Variants in TPX2 observed in about 807,000 individuals in gnomAD.
TPX2 encodes targeting protein for Xklp2.
Under a neutral mutation model 93.6 loss-of-function variants are expected in TPX2, and 21 were observed. The ratio of observed to expected loss-of-function variants is 0.22; its 90% CI spans 0.16 to 0.32. TPX2 has a LOEUF of 0.32. TPX2 is among the 10% of genes least tolerant of loss of function. The pLI is 1.00. For missense variants in TPX2, 776 were observed against 871.1 expected, an observed-to-expected ratio of 0.89 and a Z score of 1.37; for synonymous variants, 281 against 298.3, an observed-to-expected ratio of 0.94 and a Z score of 0.60.
intron 15 of TPX2, 89 bp downstream of exon 15, chr20:31,794,637 A>G: frequency 6.7e-7 from 1 of 1,492,548 alleles, no homozygotes; most frequent in Non-Finnish European, 9.1e-7. Flanking sequence ...ACCTGGGTTA[A>G]CATGCTACAT....
At position 31,797,437 on chromosome 20, in the gene TPX2, G is replaced by C; in HGVS notation, c.1867G>C (p.Ala623Pro). Residue 623 changes from alanine to proline, a missense_variant, in exon 16 of 18, where the codon GCT (alanine) becomes CCT (proline). Coordinates refer to ENST00000300403, the MANE Select transcript of TPX2 (RefSeq NM_012112.5). ...AGAACTGAGACAGCAGAAAGAAGCA[G>C]CTTGTTTCAAGGCTCGTCCAAACAC... Reference protein sequence around the residue: ...EEELRQQKEAACFKARPNTVI... With the variant: ...EEELRQQKEAPCFKARPNTVI... 1.9e-6 allele frequency: 3 copies of C among 1,614,106 alleles called. No individual in the cohort carries two copies. The highest frequency in any genetic ancestry group is 2.5e-6 in the Non-Finnish European group (3 of 1,179,962).
At chr20:31,759,927 A>G in intron 3 of TPX2, 130 bp from the exon 4 acceptor site, 1 of 1,234,908 alleles carries the variant, frequency 8.1e-7, no homozygotes. Context: ...GATTGCTAGA[A>G]CTTTGCTTGT....
intron 16 of TPX2, among the ~76,000 whole-genome samples, 177 bp from the exon 17 acceptor site, chr20:31,798,188 C>T (rs1299147095): frequency 6.6e-6 from 1 of 152,140 alleles, no homozygotes; most frequent in Non-Finnish European, 1.5e-5. Context: ...GCCCTTTGAA[C>T]TCTTAAAATT....
At chr20:31,769,982 G>A (rs1433478627) in intron 5 of TPX2, among the ~76,000 whole-genome samples, 1 of 151,984 alleles carries the variant, frequency 6.6e-6, no homozygotes, top group Non-Finnish European at 1.5e-5. Context: ...AAAATTTTTT[G>A]TAGAGACAGG....
At chr20:31,763,721 AT>A (rs370520481) in intron 4 of TPX2, among the ~76,000 whole-genome samples, 3,680 of 113,922 alleles carry the variant, frequency 0.032, 29 homozygotes, top group Non-Finnish European at 0.043. Context: ...TTTAAATTTA[AT>A]TTTTTTTTTT....
In TPX2 at chr20:31,760,078, A is replaced by C. The variant is rs770130439; in HGVS notation, c.128A>C (p.Asn43Thr). 28 of 1,613,756 alleles carry C rather than the reference A, an allele frequency of 1.7e-5. No individual in the cohort carries two copies. In the Admixed American group the frequency reaches 3.7e-4, roughly 21 times the overall value. The change falls in exon 4 of 18, where the codon AAT (asparagine) becomes ACT (threonine). Residue 43 changes from asparagine (N) to threonine (T), a missense_variant. By Grantham distance (65) the Asn-to-Thr change is moderately conservative (BLOSUM62 0). This residue lies in a region of TPX2 where 36 missense variants were observed against 58.3 expected (regional missense o/e 0.62). Transcript: ENST00000300403. ...SWFEEKANLE[N>T]KLLGKNGTGG... is the part of the protein sequence containing the mutation. Reference sequence around the variant, plus strand: ...ACAGAGGAGAAGGCCAATTTGGAGAATAAGTTACTGGGGAAGAATGGAACT... The same window carrying C: ...ACAGAGGAGAAGGCCAATTTGGAGACTAAGTTACTGGGGAAGAATGGAACT...
At chr20:31,756,386 A>G (rs548309972) in intron 2 of TPX2, among the ~76,000 whole-genome samples, 3 of 152,266 alleles carry the variant, frequency 2.0e-5, no homozygotes, top group South Asian at 4.1e-4. Context: ...TGGACTTTGA[A>G]TGATGGATAA....
chr20:31,770,982 G>C (rs1472717638), intron 6 of TPX2, among the ~76,000 whole-genome samples: 1 of 150,972 alleles, frequency 6.6e-6, no homozygotes, highest in Non-Finnish European at 1.5e-5. Flanking sequence ...TGTCTCACTG[G>C]CACAAGATGG....
In TPX2 at chr20:31,782,834, C is replaced by T. The variant is rs138618860; in HGVS notation, c.1196+444C>T. Among the ~76,000 whole-genome samples, 7 of 151,960 alleles carry T rather than the reference C, an allele frequency of 4.6e-5. No homozygotes were observed. In the East Asian group the frequency reaches 5.8e-4, roughly 13 times the overall value. On this transcript the variant is annotated intron_variant, in intron 11 of 17. Transcript: ENST00000300403. ...TCAATGCTTCAGTGAGCCAAGATCACGCCAATATACTCCAGCTTGGGTGAC... is the reference window on the plus strand; with the variant it reads ...TCAATGCTTCAGTGAGCCAAGATCATGCCAATATACTCCAGCTTGGGTGAC...
At chr20:31,764,417 C>T (rs79621492) in intron 4 of TPX2, among the ~76,000 whole-genome samples, 2,682 of 152,214 alleles carry the variant, frequency 0.018, 81 homozygotes, top group African/African-American at 0.06. Context: ...GCTCCACCCA[C>T]CTCAGCCTTC....
At chr20:31,789,616 A>T (rs983101012) in intron 12 of TPX2, among the ~76,000 whole-genome samples, 1 of 143,836 alleles carries the variant, frequency 7.0e-6, no homozygotes, top group African/African-American at 2.9e-5. Context: ...CAAAAACAAA[A>T]AAAAACAAAA....
intron 17 of TPX2, among the ~76,000 whole-genome samples, chr20:31,800,347 C>T (rs897650845): frequency 6.6e-6 from 1 of 152,132 alleles, no homozygotes; most frequent in African/African-American, 2.4e-5. Context: ...GTGTTTGTCC[C>T]CATTATAGAA....
At chr20:31,787,586 T>G (rs1035518945) in intron 12 of TPX2, among the ~76,000 whole-genome samples, 6 of 152,264 alleles carry the variant, frequency 3.9e-5, no homozygotes, top group Non-Finnish European at 7.3e-5. Context: ...AAAGATGATT[T>G]TGAGGGCTTC....
At chr20:31,797,259 T>A in intron 15 of TPX2, 145 bp from the exon 16 acceptor site, 1 of 673,974 alleles carries the variant, frequency 1.5e-6, no homozygotes. Flanking sequence ...CATTGTAAAG[T>A]TTGTGTGAAA....
intron 15 of TPX2, among the ~76,000 whole-genome samples, chr20:31,796,704 ATTT>A (rs781035098): frequency 5.0e-5 from 7 of 140,884 alleles, no homozygotes; most frequent in African/African-American, 1.0e-4. Context: ...TTCTGGTTAG[ATTT>A]TTTTTTTTTT....
In TPX2 at chr20:31,783,914, A is replaced by T. The variant is rs768222591; in HGVS notation, c.1406A>T (p.Asp469Val). Residue 469 changes from aspartate to valine, a missense_variant, in exon 12 of 18, where the codon GAT (aspartate) becomes GTT (valine). By Grantham distance (152) the Asp-to-Val change is radical. Around this residue, in one of 3 missense-constraint regions of TPX2, gnomAD observed 461 missense variants for 551.2 expected, o/e 0.84. Coordinates refer to ENST00000300403, the MANE Select transcript of TPX2 (RefSeq NM_012112.5). ...CCTTGCCCTACTAAGATTTTGGAAG[A>T]TGTTGTGGTAAGGTTGAGGCTATGT... ...SRPCPTKILE[D>V]VVGVPEKKVL... The T allele has an allele frequency of 1.3e-5, 21 of 1,613,280 alleles. No individual in the cohort carries two copies. Among genetic ancestry groups the T allele is most frequent in the Non-Finnish European group, 1.8e-5 (21 of 1,179,900 alleles).
intron 6 of TPX2, among the ~76,000 whole-genome samples, chr20:31,770,898 CTTTTT>C (rs35680390): frequency 8.3e-6 from 1 of 120,288 alleles, no homozygotes; most frequent in African/African-American, 3.0e-5. Flanking sequence ...TGATTTTTAG[CTTTTT>C]TTTTTTTTTT....
chr20:31,798,332 G>A (rs371255236), intron 16 of TPX2, 33 bp from the exon 17 acceptor site: 128 of 1,613,422 alleles, frequency 7.9e-5, no homozygotes, highest in Non-Finnish European at 1.1e-4. Context: ...AGTCCTGCTT[G>A]TGCACCAATA....
intron 3 of TPX2, 69 bp downstream of exon 3, chr20:31,757,651 A>G (rs1478415895): frequency 1.7e-6 from 2 of 1,207,508 alleles, no homozygotes; most frequent in Non-Finnish European, 2.4e-6. Context: ...CCTTTCAATA[A>G]TAGAAGGGGT....
Sources: allele counts gnomAD v4.1 joint callset (sites outside exome capture counted in the v4.1 genomes callset), GRCh38; gene constraint gnomAD v4.1.1; regional missense constraint gnomAD v4.1.1; transcripts MANE v1.5; gene names NCBI Gene and HGNC (gene_info 2026-07-23, HGNC 2026-07-21).